The following EML6 variants were observed in gnomAD, a reference collection of about 807,000 sequenced individuals.
The protein encoded by EML6 is echinoderm microtubule-associated protein-like 6.
Under a neutral mutation model 240.1 loss-of-function variants are expected in EML6, and 154 were observed. The ratio of observed to expected loss-of-function variants is 0.64; its 90% CI spans 0.56 to 0.73. The LOEUF (loss-of-function observed/expected upper bound fraction) is 0.73, where lower values mean the gene tolerates loss of function less well. Among genes scored for constraint, EML6 ranks in the 30% least tolerant of loss-of-function variants. EML6 has a pLI of 0.00. For synonymous variants in EML6, 1,148 were observed against 899.0 expected (o/e 1.28, Z -4.95); for missense variants, 2,964 against 2,474.6 (o/e 1.20, Z -4.20).
intron 31 of EML6, among the ~76,000 whole-genome samples, chr2:54,953,418 A>G (rs543567964): frequency 2.9e-4 from 44 of 152,326 alleles, no homozygotes; most frequent in Non-Finnish European, 4.7e-4. Context: ...GATACAAATC[A>G]TTGACCTCAC....
chr2:54,809,120 G>A (rs1045998151), intron 2 of EML6, among the ~76,000 whole-genome samples: 2 of 152,156 alleles, frequency 1.3e-5, no homozygotes, highest in East Asian at 1.9e-4. Flanking sequence ...CTTGAGACTC[G>A]CAATGAAAGG....
intron 22 of EML6, among the ~76,000 whole-genome samples, chr2:54,901,680 A>G (rs1336029296): frequency 6.6e-6 from 1 of 152,104 alleles, no homozygotes; most frequent in Non-Finnish European, 1.5e-5. Context: ...TTGTATTTTC[A>G]TTGTCTCAGT....
chr2:54,919,031 A>T (rs1168711595), intron 26 of EML6, among the ~76,000 whole-genome samples: 2 of 152,218 alleles, frequency 1.3e-5, no homozygotes, highest in Non-Finnish European at 2.9e-5. Flanking sequence ...TTTGTGTTTG[A>T]TGCCACCTCT....
At chr2:54,959,003 G>A in intron 33 of EML6, 101 bp from the exon 34 acceptor site, 2 of 1,131,758 alleles carry the variant, frequency 1.8e-6, no homozygotes, top group Non-Finnish European at 2.5e-6. Context: ...TGCCTAGGCT[G>A]TCTGCATCTC....
chr2:54,959,565 C>G (rs1025778021), intron 34 of EML6, among the ~76,000 whole-genome samples: 9 of 152,202 alleles, frequency 5.9e-5, no homozygotes, highest in African/African-American at 1.7e-4. Flanking sequence ...AGTTCAAAAC[C>G]AGCCTGGTCA....
intron 5 of EML6, among the ~76,000 whole-genome samples, chr2:54,825,583 A>G (rs1032563099): frequency 6.6e-6 from 1 of 152,064 alleles, no homozygotes; most frequent in Non-Finnish European, 1.5e-5. Flanking sequence ...TTCAACATAT[A>G]CTTCAACACC....
At position 54,921,550 on chromosome 2, in the gene EML6, G is replaced by A. The variant is rs548443113; in HGVS notation, c.3675+4615G>A. 2.1e-4 allele frequency among the ~76,000 whole-genome samples: 32 copies of A among 151,954 alleles called. No individual in the cohort carries two copies. In the South Asian group the frequency reaches 5.0e-3, roughly 24 times the overall value. ...TGTAATCCTTATCAAAATTCCAAAG[G>A]CATTTTTTTCACAAAAATTGGAAAA... On this transcript the variant is annotated intron_variant, in intron 26 of 41. Transcript: ENST00000356458.
At chr2:54,928,551 A>G in intron 27 of EML6, 37 bp downstream of exon 27, 3 of 1,549,280 alleles carry the variant, frequency 1.9e-6, no homozygotes, top group Non-Finnish European at 1.7e-6. Context: ...CCTGCGCCGA[A>G]TGCACCTCCC....
rs747865953 is a variant in EML6, at chr2:54,928,791, A to C, written c.4004+40A>C. 26 of 1,550,934 alleles carry C rather than the reference A, an allele frequency of 1.7e-5. No homozygotes were observed. In the South Asian group the frequency reaches 3.0e-4, roughly 18 times the overall value. On this transcript the variant is annotated intron_variant, in intron 28 of 41. Coordinates refer to ENST00000356458, the MANE Select transcript of EML6 (RefSeq NM_001039753.4). ...GGTTTGCTTGCTTTTATTATACCTG[A>C]TGACAAGAAACTTGTTTAAGCCAGA...
intron 10 of EML6, among the ~76,000 whole-genome samples, chr2:54,853,206 C>T (rs1054071298): frequency 1.3e-5 from 2 of 152,238 alleles, no homozygotes; most frequent in Non-Finnish European, 2.9e-5. Flanking sequence ...GGTGACTAAA[C>T]ATGATGATAC....
chr2:54,968,258 G>C lies in EML6; in HGVS notation c.5728G>C (p.Asp1910His). ...GDDFGLVKLF[D>H]FPCTEKFAKH... ...TGACTTTGGGCTGGTGAAGCTCTTT[G>C]ATTTTCCATGCACAGAAAAATTTGT... Residue 1910 changes from aspartate to histidine, a missense_variant, in exon 40 of 42, where the codon GAT becomes CAT. Asp to His is a moderately conservative substitution (Grantham distance 81). Coordinates refer to ENST00000356458, the MANE Select transcript of EML6 (RefSeq NM_001039753.4). 2 of 1,551,740 alleles carry C rather than the reference G, an allele frequency of 1.3e-6. No homozygotes were observed. The highest frequency in any genetic ancestry group is 8.7e-7 in the Non-Finnish European group (1 of 1,147,004).
intron 32 of EML6, among the ~76,000 whole-genome samples, chr2:54,957,321 G>A (rs1173810782): frequency 6.7e-6 from 1 of 148,890 alleles, no homozygotes; most frequent in Non-Finnish European, 1.5e-5. Flanking sequence ...AAAGGAAAAC[G>A]GGGAACTTAA....
chr2:54,843,053 G>A (rs749156829), intron 7 of EML6, among the ~76,000 whole-genome samples: 3 of 152,178 alleles, frequency 2.0e-5, no homozygotes, highest in Admixed American at 2.0e-4. Context: ...CAGCTGTTCT[G>A]TAGTGTCACC....
chr2:54,903,553 C>G, intron 24 of EML6, 51 bp downstream of exon 24: 1 of 1,487,152 alleles, frequency 6.7e-7, no homozygotes, highest in Non-Finnish European at 9.1e-7. Context: ...TAAAAAATGT[C>G]CATTTATGCA....
At chr2:54,817,128 A>G (rs1668116067) in intron 4 of EML6, among the ~76,000 whole-genome samples, 1 of 152,180 alleles carries the variant, frequency 6.6e-6, no homozygotes, top group African/African-American at 2.4e-5. Flanking sequence ...TGATGCTGGC[A>G]TTTTACTTTA....
intron 7 of EML6, among the ~76,000 whole-genome samples, chr2:54,840,859 T>G (rs917080094): frequency 4.6e-5 from 7 of 152,252 alleles, no homozygotes; most frequent in Admixed American, 2.6e-4. Context: ...ATTTGTTTTT[T>G]GCTGATGTTG....
At chr2:54,801,206 G>T (rs1394853376) in intron 2 of EML6, among the ~76,000 whole-genome samples, 1 of 151,736 alleles carries the variant, frequency 6.6e-6, no homozygotes, top group South Asian at 2.1e-4. Context: ...TGTAGTCCCA[G>T]ATCCTCGGGA....
At chr2:54,907,084 C>A (rs1673363791) in intron 24 of EML6, among the ~76,000 whole-genome samples, 1 of 152,144 alleles carries the variant, frequency 6.6e-6, no homozygotes, top group African/African-American at 2.4e-5. Flanking sequence ...TCAGCTACCC[C>A]TGAATGAAAG....
chr2:54,960,875 C>A (rs1340730131), intron 35 of EML6, among the ~76,000 whole-genome samples: 1 of 152,126 alleles, frequency 6.6e-6, no homozygotes, highest in African/African-American at 2.4e-5. Flanking sequence ...GAATCAGAAT[C>A]TCAGGAGTGG....
Sources: gnomAD v4.1 joint callset for allele counts (sites outside exome capture counted in the v4.1 genomes callset) on GRCh38, gnomAD v4.1.1 for gene constraint, MANE v1.5 for transcripts, NCBI Gene and HGNC (gene_info 2026-07-23, HGNC 2026-07-21) for gene names.